CYP11B2: variants seen among roughly 807,000 people sequenced by gnomAD.
The protein encoded by CYP11B2 is cytochrome P450 11B2, mitochondrial.
A neutral mutation model predicts 49.3 loss-of-function variants in CYP11B2; 38 were observed. The observed-to-expected ratio is 0.77, with a 90% CI of 0.59 to 1.01. The LOEUF (loss-of-function observed/expected upper bound fraction) is 1.01. Ranked by LOEUF, CYP11B2 falls within the 50% of genes least tolerant of loss-of-function variation. The pLI is 0.00. For synonymous variants in CYP11B2, 290 were observed against 269.3 expected (o/e 1.08, Z -0.75); for missense variants, 669 against 655.5 (o/e 1.02, Z -0.23).
In CYP11B2 at chr8:142,912,598, C is replaced by T. The variant is rs1817556420; in HGVS notation, c.1330G>A (p.Gly444Ser). 17 of 1,614,126 alleles carry T rather than the reference C, an allele frequency of 1.1e-5. No individual in the cohort carries two copies. The highest frequency in any genetic ancestry group is 1.4e-5 in the Non-Finnish European group (17 of 1,180,052). The change falls in exon 8 of 9, where the codon GGC becomes AGC. Residue 444 changes from glycine (G) to serine (S), a missense_variant. Gly to Ser is a moderately conservative substitution (Grantham distance 56, BLOSUM62 0). Transcript: ENST00000323110. ...SGRNFHHVPF[G>S]FGMRQCLGRR... ...CCGAGGCACTGGCGCATGCCAAAGC[C>T]AAAGGGCACGTGGTGGAAGTTCCTG... is the stretch of plus-strand genomic sequence containing the variant.
In CYP11B2 at chr8:142,914,913, G is replaced by T. The variant is rs775388813; in HGVS notation, c.596-5C>A. On this transcript the variant is annotated splice_polypyrimidine_tract_variant and splice_region_variant and intron_variant, in intron 3 of 8. Transcript: ENST00000323110. The stretch of plus-strand genomic sequence containing the variant: ...CAAAAAGAGCTAAGTTGCTGGCTGC[G>T]GGGAGGATGCACTGCTGAGCACAAG... 6.2e-7 allele frequency: 1 copy of T among 1,613,494 alleles called. No individual in the cohort carries two copies. Among genetic ancestry groups the T allele is most frequent in the Non-Finnish European group, 8.5e-7 (1 of 1,179,908 alleles).
In CYP11B2 at chr8:142,912,003, G is replaced by T. The variant is rs144993866; in HGVS notation, c.1489C>A (p.Leu497Ile). 8 of 1,614,072 alleles carry T rather than the reference G, an allele frequency of 5.0e-6. No homozygotes were observed. Among genetic ancestry groups the T allele is most frequent in the Non-Finnish European group, 6.8e-6 (8 of 1,179,964 alleles). Residue 497 changes from leucine (L) to isoleucine (I), a missense_variant, in exon 9 of 9, where the codon CTC (leucine) becomes ATC (isoleucine). Physicochemically the swap from Leu to Ile is conservative, Grantham distance 5. Coordinates refer to ENST00000323110, the MANE Select transcript of CYP11B2 (RefSeq NM_000498.3). ...GACTAGTTAATCGCTCTGAAAGTGA[G>T]GAGGGGGGACGTGCCAGGCCTCAAT... ...FILRPGTSPL[L>I]TFRAIN
In CYP11B2 at chr8:142,910,736, T is replaced by C. The variant is rs1270385089; in HGVS notation, c.*1244A>G. On this transcript the variant is annotated 3_prime_UTR_variant, in exon 9 of 9. Transcript: ENST00000323110. This position sits in a 1 kb window ranked among gnomAD's most constrained non-coding sequence, Gnocchi z 4.6. ...CCCAGGGTGGGAAAGCAACCTGCGG[T>C]CACAGGGTGACTGGCCTGAGTCCCT... 6.6e-6 allele frequency: 1 copy of C among 152,064 alleles called. No individual in the cohort carries two copies. The highest frequency in any genetic ancestry group is 1.9e-4 in the East Asian group (1 of 5,182). The allele number at this position is 152,064 out of a possible 1,614,324, so 9.4% of individuals were successfully genotyped here. A position where few individuals can be genotyped will look rare whatever the true frequency, so the allele number is the denominator to read the frequency against.
chr8:142,913,568 C>CGAT (rs1817580953), intron 5 of CYP11B2, 117 bp from the exon 6 acceptor site: 8 of 434,582 alleles, frequency 1.8e-5, no homozygotes, highest in Non-Finnish European at 3.0e-5. Context: ...TGAGCAAAAA[C>CGAT]AGAGCCCTGG....
At position 142,911,874 on chromosome 8, in the gene CYP11B2, G is replaced by C; in HGVS notation, c.*106C>G. 1.9e-6 allele frequency: 3 copies of C among 1,551,784 alleles called. No homozygotes were observed. Among genetic ancestry groups the C allele is most frequent in the Non-Finnish European group, 2.6e-6 (3 of 1,139,470 alleles). ...CATTTGTGCAGGAGCTGGCTGGACA[G>C]AGGGGTGACTCAGGAAGCTGTGCAC... On this transcript the variant is annotated 3_prime_UTR_variant, in exon 9 of 9. Transcript: ENST00000323110.
chr8:142,917,271 C>A, intron 1 of CYP11B2, 57 bp from the exon 2 acceptor site: 1 of 1,581,254 alleles, frequency 6.3e-7, no homozygotes. Flanking sequence ...GTGGCCCCAC[C>A]CTGCAGTCCC....
At chr8:142,915,284 C>T (rs1203426208) in intron 2 of CYP11B2, 39 bp from the exon 3 acceptor site, 1 of 1,539,460 alleles carries the variant, frequency 6.5e-7, no homozygotes, top group Non-Finnish European at 8.9e-7. Context: ...GCCGCCCCAG[C>T]AAGACACAGG....
chr8:142,912,600 A>C lies in CYP11B2; in HGVS notation c.1328T>G (p.Phe443Cys), dbSNP rs1380262445. 1 of 1,614,098 alleles carries C rather than the reference A, an allele frequency of 6.2e-7. No homozygotes were observed. Among genetic ancestry groups the C allele is most frequent in the African/African-American group, 1.3e-5 (1 of 74,938 alleles). The stretch of plus-strand genomic sequence containing the variant: ...GAGGCACTGGCGCATGCCAAAGCCA[A>C]AGGGCACGTGGTGGAAGTTCCTGCC... ...GSGRNFHHVPFGFGMRQCLGR... is the reference protein window; with the variant it reads ...GSGRNFHHVPCGFGMRQCLGR... Residue 443 changes from phenylalanine (F) to cysteine (C), a missense_variant, in exon 8 of 9, where the codon TTT becomes TGT. Physicochemically the swap from Phe to Cys is radical, Grantham distance 205. Coordinates refer to ENST00000323110, the MANE Select transcript of CYP11B2 (RefSeq NM_000498.3).
In CYP11B2 at chr8:142,914,386, G is replaced by C. The variant is rs1563880641; in HGVS notation, c.832C>G (p.Leu278Val). ...TAGTGTTGAGGGCGGTTGAAGGCCA[G>C]TTCCTGGTAGATTTTCTGGATACAG... is the stretch of plus-strand genomic sequence containing the variant. ...DNCIQKIYQE[L>V]AFNRPQHYTG... Residue 278 changes from leucine to valine, a missense_variant, in exon 5 of 9, where the codon CTG becomes GTG. Coordinates refer to ENST00000323110, the MANE Select transcript of CYP11B2 (RefSeq NM_000498.3). 1.2e-6 allele frequency: 2 copies of C among 1,613,422 alleles called. No homozygotes were observed. The highest frequency in any genetic ancestry group is 1.7e-6 in the Non-Finnish European group (2 of 1,179,640).
rs1817521694 is a variant in CYP11B2 at position 142,910,910 on chromosome 8, TGGCTG to T, written c.*1065_*1069del. On this transcript the variant is annotated 3_prime_UTR_variant, in exon 9 of 9. Transcript: ENST00000323110. This position sits in a 1 kb window ranked among gnomAD's most constrained non-coding sequence, Gnocchi z 4.6. ...AAAATCCCAGGAGATAAAGATGATG[TGGCTG>T]GGCACGTTCTCACCCTGGGGCACTT... 6.6e-6 allele frequency: 1 copy of T among 152,208 alleles called. No homozygotes were observed. The highest frequency in any genetic ancestry group is 2.4e-5 in the African/African-American group (1 of 41,418). The allele number at this position is 152,208 out of a possible 1,614,324, so 9.4% of individuals were successfully genotyped here.
At position 142,912,741 on chromosome 8, in the gene CYP11B2, A is replaced by G; in HGVS notation, c.1201-14T>C. 4.3e-6 allele frequency: 7 copies of G among 1,613,892 alleles called. No individual in the cohort carries two copies. Among genetic ancestry groups the G allele is most frequent in the Non-Finnish European group, 5.1e-6 (6 of 1,179,812 alleles). ...CTGTACCAATGTCTGCGGACGGTGC[A>G]GAGCAGGGATCAGGGAATGACTGGG... On this transcript the variant is annotated splice_polypyrimidine_tract_variant and intron_variant, in intron 7 of 8. Transcript: ENST00000323110.
chr8:142,914,042 A>G, intron 5 of CYP11B2: 1 of 667,592 alleles, frequency 1.5e-6, no homozygotes, highest in Non-Finnish European at 2.8e-6. Flanking sequence ...GGATCCCCAC[A>G]CAGGTAACTG....
intron 2 of CYP11B2, 91 bp downstream of exon 2, chr8:142,916,968 A>G: frequency 1.3e-6 from 2 of 1,554,788 alleles, no homozygotes; most frequent in Non-Finnish European, 1.7e-6. Context: ...CCCAGGGCAG[A>G]TGTGCTTTTG....
chr8:142,915,220 G>T lies in CYP11B2; in HGVS notation c.421C>A (p.Arg141=). The T allele has an allele frequency of 1.2e-6, 2 of 1,613,802 alleles. No individual in the cohort carries two copies. Among genetic ancestry groups the T allele is most frequent in the Non-Finnish European group, 1.7e-6 (2 of 1,179,910 alleles). The change falls in exon 3 of 9, where the codon CGA becomes AGA. Residue 141 remains arginine, a synonymous_variant. Coordinates refer to ENST00000323110, the MANE Select transcript of CYP11B2 (RefSeq NM_000498.3). ...AGCACATCTGGGTTCAGCCGCAATCGGTTGAAGCGCCATTCAGGCCCATTC... is the reference window on the plus strand; with the variant it reads ...AGCACATCTGGGTTCAGCCGCAATCTGTTGAAGCGCCATTCAGGCCCATTC... ...LLNGPEWRFN[R]LRLNPDVLSP...
At chr8:142,912,461 GC>G in intron 8 of CYP11B2, 68 bp downstream of exon 8, 2 of 1,530,246 alleles carry the variant, frequency 1.3e-6, no homozygotes, top group Non-Finnish European at 8.9e-7. Context: ...CACCATGCAA[GC>G]CCCGCCCCCA....
Position 142,911,843 on chromosome 8 carries a change from G to A in CYP11B2, c.*137C>T, listed in dbSNP as rs1817540567. On this transcript the variant is annotated 3_prime_UTR_variant, in exon 9 of 9. Transcript: ENST00000323110. ...AAGCCCCAGTCCTGGAGGCCCTGGG[G>A]AGTTCCATTTGTGCAGGAGCTGGCT... The A allele has an allele frequency of 1.4e-5, 19 of 1,346,710 alleles. No homozygotes were observed. In the South Asian group the frequency reaches 2.6e-4, roughly 18 times the overall value. 83.4% of individuals were successfully genotyped at this position (1,346,710 alleles called of 1,614,324 possible).
chr8:142,916,939 T>A, intron 2 of CYP11B2, 120 bp downstream of exon 2: 2 of 1,477,674 alleles, frequency 1.4e-6, no homozygotes, highest in Non-Finnish European at 1.8e-6. Flanking sequence ...GTGCTCACCC[T>A]CACTGCCCAC....
intron 3 of CYP11B2, 55 bp downstream of exon 3, chr8:142,914,991 C>G (rs1411005106): frequency 1.1e-5 from 17 of 1,611,998 alleles, no homozygotes; most frequent in Non-Finnish European, 1.4e-5. Context: ...TCCTCCATCC[C>G]CATCCCTGGC....
intron 2 of CYP11B2, among the ~76,000 whole-genome samples, chr8:142,915,674 C>T (rs1386387484): frequency 1.5e-5 from 2 of 130,922 alleles, no homozygotes; most frequent in African/African-American, 2.5e-5. Flanking sequence ...CTCTCCTCCC[C>T]ACCCTTCCCC....
Sources: allele counts gnomAD v4.1 joint callset (sites outside exome capture counted in the v4.1 genomes callset), GRCh38; gene constraint gnomAD v4.1.1; non-coding constraint Gnocchi (gnomAD v3.1); transcripts MANE v1.5; gene names NCBI Gene and HGNC (gene_info 2026-07-23, HGNC 2026-07-21).